Variants in NR3C2 observed in about 807,000 individuals in gnomAD.
NR3C2 encodes nuclear receptor subfamily 3 group C member 2.
Under a neutral mutation model 86.4 loss-of-function variants are expected in NR3C2, and 15 were observed. That is an observed-to-expected ratio of 0.17 (90% CI 0.12 to 0.27). NR3C2 has a LOEUF of 0.27. Among genes scored for constraint, NR3C2 ranks in the 10% least tolerant of loss-of-function variants. The pLI is 1.00. For synonymous variants in NR3C2, 458 were observed against 450.5 expected (o/e 1.02, Z -0.21); for missense variants, 960 against 1,195.6 (o/e 0.80, Z 2.91).
At chr4:148,309,674 T>C (rs747293569) in intron 2 of NR3C2, among the ~76,000 whole-genome samples, 24 of 152,182 alleles carry the variant, frequency 1.6e-4, no homozygotes, top group Non-Finnish European at 3.1e-4. Flanking sequence ...CACATGCACA[T>C]GGTTAAAAGA....
intron 4 of NR3C2, among the ~76,000 whole-genome samples, chr4:148,189,248 C>T (rs946954046): frequency 6.6e-6 from 1 of 151,984 alleles, no homozygotes; most frequent in South Asian, 2.1e-4. Flanking sequence ...AATCAAAAAG[C>T]GATGCTGGAT....
intron 6 of NR3C2, among the ~76,000 whole-genome samples, chr4:148,132,169 C>T (rs780471443): frequency 2.0e-5 from 3 of 152,122 alleles, no homozygotes; most frequent in Non-Finnish European, 4.4e-5. Flanking sequence ...ATTCAGATTT[C>T]GAACAAAGTT....
chr4:148,244,831 C>G (rs1422614226), intron 3 of NR3C2, among the ~76,000 whole-genome samples: 2 of 152,170 alleles, frequency 1.3e-5, no homozygotes, highest in African/African-American at 2.4e-5. Flanking sequence ...ACATTTAGGA[C>G]TTTTGATCTC....
At chr4:148,090,199 G>A (rs772485648) in intron 8 of NR3C2, among the ~76,000 whole-genome samples, 1 of 152,206 alleles carries the variant, frequency 6.6e-6, no homozygotes, top group Non-Finnish European at 1.5e-5. Context: ...ATCTCTCAAG[G>A]CGTCTGTGTT....
chr4:148,268,750 G>C (rs567697865), intron 2 of NR3C2, among the ~76,000 whole-genome samples: 3 of 152,096 alleles, frequency 2.0e-5, no homozygotes, highest in Non-Finnish European at 2.9e-5. Flanking sequence ...AATCATGGAG[G>C]GTCTCTAATG....
intron 2 of NR3C2, among the ~76,000 whole-genome samples, chr4:148,279,184 C>T (rs955657687): frequency 4.0e-5 from 6 of 151,898 alleles, no homozygotes; most frequent in Admixed American, 1.3e-4. Flanking sequence ...AAATAAAGTT[C>T]TGGCTTTGAA....
chr4:148,233,386 G>A (rs1738564684), intron 3 of NR3C2, among the ~76,000 whole-genome samples: 7 of 107,400 alleles, frequency 6.5e-5, no homozygotes, highest in Admixed American at 5.8e-4. Context: ...TTGAAGCAGG[G>A]TCTCACTCTG....
Position 148,435,172 on chromosome 4 carries a change from G to C in NR3C2, c.1689C>G (p.His563Gln). 1 of 1,614,080 alleles carries C rather than the reference G, an allele frequency of 6.2e-7. No individual in the cohort carries two copies. The highest frequency in any genetic ancestry group is 8.5e-7 in the Non-Finnish European group (1 of 1,179,964). ...CACTTCTTCTAGACGACAGGTCGCC[G>C]TGTGATTTCCATGACTCCACTAAAG... ...VNTLVESWKS[H>Q]GDLSSRRSDG... Residue 563 changes from histidine (H) to glutamine (Q), a missense_variant, in exon 2 of 9, where the codon CAC becomes CAG. Transcript: ENST00000358102.
chr4:148,113,654 T>C (rs1732142359), intron 8 of NR3C2, among the ~76,000 whole-genome samples: 1 of 152,178 alleles, frequency 6.6e-6, no homozygotes, highest in African/African-American at 2.4e-5. Flanking sequence ...AATAACCCTA[T>C]GGTTTAAGAA....
chr4:148,123,267 C>T (rs1732596152), intron 6 of NR3C2, among the ~76,000 whole-genome samples: 1 of 152,176 alleles, frequency 6.6e-6, no homozygotes, highest in African/African-American at 2.4e-5. Flanking sequence ...GCTCTCAAAC[C>T]TTGTTTTCTG....
At chr4:148,289,618 A>C (rs1741703767) in intron 2 of NR3C2, among the ~76,000 whole-genome samples, 1 of 152,186 alleles carries the variant, frequency 6.6e-6, no homozygotes, top group South Asian at 2.1e-4. Flanking sequence ...CATACCTTAG[A>C]CTGGGTAATT....
At chr4:148,196,430 T>A (rs1376512008) in intron 3 of NR3C2, among the ~76,000 whole-genome samples, 1 of 152,064 alleles carries the variant, frequency 6.6e-6, no homozygotes, top group African/African-American at 2.4e-5. Context: ...GCCATAAAAC[T>A]GGGTGAGATC....
chr4:148,357,915 G>A (rs920323110), intron 2 of NR3C2, among the ~76,000 whole-genome samples: 1 of 152,146 alleles, frequency 6.6e-6, no homozygotes, highest in Admixed American at 6.5e-5. Flanking sequence ...GCTGTTGTAA[G>A]AGGAAAAAAT....
intron 2 of NR3C2, among the ~76,000 whole-genome samples, chr4:148,416,395 T>C (rs1367609462): frequency 6.6e-6 from 1 of 152,226 alleles, no homozygotes; most frequent in Non-Finnish European, 1.5e-5. Context: ...ACTCAGTCCT[T>C]ATAACAATAC....
At chr4:148,349,612 C>T (rs531204502) in intron 2 of NR3C2, among the ~76,000 whole-genome samples, 2 of 147,830 alleles carry the variant, frequency 1.4e-5, no homozygotes, top group South Asian at 4.4e-4. Context: ...TGAGAATTCT[C>T]TCCTTTCTGC....
At chr4:148,144,822 G>A (rs1199199197) in intron 6 of NR3C2, among the ~76,000 whole-genome samples, 1 of 152,186 alleles carries the variant, frequency 6.6e-6, no homozygotes, top group African/African-American at 2.4e-5. Context: ...TTGCAGATAA[G>A]GATCGACTAT....
intron 2 of NR3C2, among the ~76,000 whole-genome samples, chr4:148,420,863 C>T (rs1477840873): frequency 6.6e-6 from 1 of 152,190 alleles, no homozygotes; most frequent in East Asian, 1.9e-4. Context: ...ATGTAAAATG[C>T]CTGGCTCCCC....
chr4:148,315,383 A>G (rs1352485105), intron 2 of NR3C2, among the ~76,000 whole-genome samples: 1 of 152,144 alleles, frequency 6.6e-6, no homozygotes, highest in Non-Finnish European at 1.5e-5. Context: ...TAACTCCTAA[A>G]TGAAACTTGA....
chr4:148,215,161 T>A (rs1737466728), intron 3 of NR3C2, among the ~76,000 whole-genome samples: 1 of 152,096 alleles, frequency 6.6e-6, no homozygotes, highest in South Asian at 2.1e-4. Context: ...CTGTTCGGGG[T>A]ATGAAAAGGG....
Sources: gnomAD v4.1 joint callset for allele counts (sites outside exome capture counted in the v4.1 genomes callset) on GRCh38, gnomAD v4.1.1 for gene constraint, MANE v1.5 for transcripts, NCBI Gene and HGNC (gene_info 2026-07-23, HGNC 2026-07-21) for gene names.